Variants in MED1 observed in about 807,000 individuals in gnomAD.
The protein encoded by MED1 is mediator complex subunit 1, also known as mediator of RNA polymerase II transcription subunit 1.
MED1 carries 17 observed loss-of-function variants against 121.3 expected under a neutral mutation model. The ratio of observed to expected loss-of-function variants is 0.14; its 90% CI spans 0.10 to 0.21. The LOEUF is 0.21. MED1 is among the 10% of genes least tolerant of loss of function. MED1 has a pLI of 1.00. For synonymous variants in MED1, 661 were observed against 694.4 expected (o/e 0.95, Z 0.76); for missense variants, 1,558 against 1,919.4 (o/e 0.81, Z 3.52).
rs2048296997 is a variant in MED1, at chr17:39,405,619, C to T, written c.*1856G>A. 8.9e-7 allele frequency: 1 copy of T among 1,121,238 alleles called. No homozygotes were observed. 69.5% of individuals were successfully genotyped at this position (1,121,238 alleles called of 1,614,324 possible). A position where few individuals can be genotyped will look rare whatever the true frequency, so the allele number is the denominator to read the frequency against. On this transcript the variant is annotated 3_prime_UTR_variant, in exon 17 of 17. Transcript: ENST00000300651. Reference sequence around the variant, plus strand: ...CACCTGCCCATATCCTCCTTAGTGTCACCCAAGACATTTGACTCTGATGTG... The same window carrying T: ...CACCTGCCCATATCCTCCTTAGTGTTACCCAAGACATTTGACTCTGATGTG...
intron 13 of MED1, among the ~76,000 whole-genome samples, chr17:39,420,791 ATTT>A (rs71147330): frequency 1.3e-4 from 14 of 109,918 alleles, no homozygotes; most frequent in Admixed American, 1.1e-4. Flanking sequence ...ACATGTGCCT[ATTT>A]TTTTTTTTTT....
At chr17:39,443,198 C>T (rs1401667774) in intron 3 of MED1, among the ~76,000 whole-genome samples, 2 of 151,480 alleles carry the variant, frequency 1.3e-5, no homozygotes, top group South Asian at 4.2e-4. Flanking sequence ...GACAGGGTTT[C>T]ACCATGTTGG....
At chr17:39,444,608 C>T (rs1020800477) in intron 2 of MED1, among the ~76,000 whole-genome samples, 3 of 151,986 alleles carry the variant, frequency 2.0e-5, no homozygotes, top group Non-Finnish European at 4.4e-5. Flanking sequence ...CAGTGGCTCA[C>T]GCCTGTAATC....
At chr17:39,435,130 T>C (rs2048606202) in intron 6 of MED1, among the ~76,000 whole-genome samples, 1 of 152,098 alleles carries the variant, frequency 6.6e-6, no homozygotes, top group South Asian at 2.1e-4. Flanking sequence ...ATCGCGCCAC[T>C]GCACTCCAGC....
Position 39,429,691 on chromosome 17 carries a change from GC to G in MED1, c.649+1423del, listed in dbSNP as rs1289815466. Among the ~76,000 whole-genome samples, 11 of 89,510 alleles carry G rather than the reference GC, an allele frequency of 1.2e-4. 1 individual carries two copies. 58.7% of individuals were successfully genotyped at this position (89,510 alleles called of 152,430 possible). A position where few individuals can be genotyped will look rare whatever the true frequency, so the allele number is the denominator to read the frequency against. ...AGCCTGGGAGACAGAGCAAGACTCT[GC>G]CTAAATGCCTAAAAAAAAAAAAAAA... On this transcript the variant is annotated intron_variant, in intron 9 of 16. Transcript: ENST00000300651.
chr17:39,408,237 C>G lies in MED1; in HGVS notation c.3984G>C (p.Gln1328His), dbSNP rs984712374. ...TGGAAGAATTTGTGCTCACCCCCAT[C>G]TGGCCGTCCAGTGGGTCTTCACCCC... ...GPGGEDPLDG[Q>H]MGVSTNSSSH... The change falls in exon 17 of 17, where the codon CAG (glutamine) becomes CAC (histidine). Residue 1328 changes from glutamine (Q) to histidine (H), a missense_variant. Coordinates refer to ENST00000300651, the MANE Select transcript of MED1 (RefSeq NM_004774.4). This position sits in a 1 kb window ranked among gnomAD's most constrained non-coding sequence, Gnocchi z 4.7. 1.2e-6 allele frequency: 2 copies of G among 1,614,136 alleles called. No individual in the cohort carries two copies. Among genetic ancestry groups the G allele is most frequent in the Admixed American group, 1.7e-5 (1 of 60,020 alleles).
chr17:39,408,100 G>A lies in MED1; in HGVS notation c.4121C>T (p.Ser1374Phe). The A allele has an allele frequency of 6.2e-6, 10 of 1,614,128 alleles. No homozygotes were observed. Among genetic ancestry groups the A allele is most frequent in the Non-Finnish European group, 8.5e-6 (10 of 1,180,036 alleles). The change falls in exon 17 of 17, where the codon TCT becomes TTT. Residue 1374 changes from serine (S) to phenylalanine (F), a missense_variant. Physicochemically the swap from Ser to Phe is radical, Grantham distance 155 (BLOSUM62 -2). Around this residue, in one of 5 missense-constraint regions of MED1, gnomAD observed 264 missense variants for 326.1 expected, o/e 0.81. Transcript: ENST00000300651. The surrounding 1 kb of genome is among the most constrained non-coding windows in gnomAD (Gnocchi z 4.7). ...TTTTGACTCTGAGGTCTTCTTAGAA[G>A]AATCCACTGAACTCCCGGAGGTGGA... The part of the protein sequence containing the change: ...KVSTSGSSVD[S>F]SKKTSESKNV...
In MED1 at chr17:39,440,646, C is replaced by T. The variant is rs2048666371; in HGVS notation, c.243G>A (p.Leu81=). Reference sequence around the variant, plus strand: ...ACCCATTCTGTCTTGCTATGGACTCCAAACGATCAGTCATTGCTGGTAAAG... The same window carrying T: ...ACCCATTCTGTCTTGCTATGGACTCTAAACGATCAGTCATTGCTGGTAAAG... ...VTSLPAMTDR[L]ESIARQNGLG... is the part of the protein sequence containing the mutation. Residue 81 remains leucine, a synonymous_variant, in exon 4 of 17, where the codon TTG becomes TTA. Transcript: ENST00000300651. The surrounding 1 kb of genome is among the most constrained non-coding windows in gnomAD (Gnocchi z 4.1). 2 of 1,613,532 alleles carry T rather than the reference C, an allele frequency of 1.2e-6. No homozygotes were observed. The highest frequency in any genetic ancestry group is 1.7e-5 in the Admixed American group (1 of 59,930).
Position 39,408,044 on chromosome 17 carries a change from T to C in MED1, c.4177A>G (p.Ile1393Val). The C allele has an allele frequency of 1.2e-6, 2 of 1,614,252 alleles. No individual in the cohort carries two copies. The highest frequency in any genetic ancestry group is 1.7e-6 in the Non-Finnish European group (2 of 1,180,052). Residue 1393 changes from isoleucine to valine, a missense_variant, in exon 17 of 17, where the codon ATC (isoleucine) becomes GTC (valine). Physicochemically the swap from Ile to Val is conservative, Grantham distance 29. This residue lies in a region of MED1 where 264 missense variants were observed against 326.1 expected (regional missense o/e 0.81). Coordinates refer to ENST00000300651, the MANE Select transcript of MED1 (RefSeq NM_004774.4). This position sits in a 1 kb window ranked among gnomAD's most constrained non-coding sequence, Gnocchi z 4.7. ...GAGCCTCCATCATGCTTACTGATGA[T>C]AATTTTTGCCACACCTGTGCTCCCC... ...NVGSTGVAKI[I>V]ISKHDGGSPS...
chr17:39,447,210 G>C (rs1272995289), intron 2 of MED1, among the ~76,000 whole-genome samples: 1 of 151,966 alleles, frequency 6.6e-6, no homozygotes, highest in Non-Finnish European at 1.5e-5. Flanking sequence ...GACCAACATG[G>C]AGAAACCCCG....
At position 39,407,058 on chromosome 17, in the gene MED1, G is replaced by C; in HGVS notation, c.*417C>G. On this transcript the variant is annotated 3_prime_UTR_variant, in exon 17 of 17. Coordinates refer to ENST00000300651, the MANE Select transcript of MED1 (RefSeq NM_004774.4). ...ATGCAAATGCATCAAGGAATGTATT[G>C]CTTTTTCATTTTCTGCCCAGCCCTT... The C allele has an allele frequency of 1.0e-6, 1 of 989,740 alleles. No homozygotes were observed. Among genetic ancestry groups the C allele is most frequent in the Non-Finnish European group, 1.2e-6 (1 of 832,634 alleles). The allele number at this position is 989,740 out of a possible 1,614,324, so 61.3% of individuals were successfully genotyped here. A position where few individuals can be genotyped will look rare whatever the true frequency, so the allele number is the denominator to read the frequency against.
chr17:39,434,112 C>T (rs1400030825), intron 7 of MED1, 137 bp downstream of exon 7: 2 of 584,334 alleles, frequency 3.4e-6, no homozygotes, highest in African/African-American at 2.0e-5. Context: ...ATGTTGGAAG[C>T]TGAGCTACAG....
intron 6 of MED1, among the ~76,000 whole-genome samples, chr17:39,435,757 G>A (rs1300154276): frequency 4.6e-5 from 7 of 151,878 alleles, no homozygotes; most frequent in Admixed American, 2.6e-4. Context: ...GTCCGATGGC[G>A]ATGGCACGAT....
chr17:39,420,363 C>T (rs1290936394), intron 13 of MED1, among the ~76,000 whole-genome samples: 1 of 151,788 alleles, frequency 6.6e-6, no homozygotes, highest in African/African-American at 2.4e-5. Context: ...CCACGCCCGG[C>T]TAATTTTTTT....
chr17:39,409,583 C>G lies in MED1; in HGVS notation c.2638G>C (p.Glu880Gln), dbSNP rs746369674. 3 of 1,614,144 alleles carry G rather than the reference C, an allele frequency of 1.9e-6. No homozygotes were observed. The highest frequency in any genetic ancestry group is 2.5e-6 in the Non-Finnish European group (3 of 1,180,030). Residue 880 changes from glutamate (E) to glutamine (Q), a missense_variant, in exon 17 of 17, where the codon GAA becomes CAA. Glu to Gln is a conservative substitution (Grantham distance 29). Transcript: ENST00000300651. Reference sequence around the variant, plus strand: ...TGGCTGCTTTCATCAAAATATTCTTCTCCAAAACCACTTTGGCTCTGGCTG... The same window carrying G: ...TGGCTGCTTTCATCAAAATATTCTTGTCCAAAACCACTTTGGCTCTGGCTG... ...LNSQSQSGFG[E>Q]EYFDESSQSG...
At chr17:39,444,075 G>A (rs574555214) in intron 2 of MED1, among the ~76,000 whole-genome samples, 1 of 152,280 alleles carries the variant, frequency 6.6e-6, no homozygotes, top group Admixed American at 6.5e-5. Flanking sequence ...TGCCGCCTGT[G>A]GAAGTGACCA....
rs1165047519 is a variant in MED1 at position 39,409,007 on chromosome 17, C to T, written c.3214G>A (p.Val1072Met). The change falls in exon 17 of 17, where the codon GTG (valine) becomes ATG (methionine). Residue 1072 changes from valine to methionine, a missense_variant. Physicochemically the swap from Val to Met is conservative, Grantham distance 21. Coordinates refer to ENST00000300651, the MANE Select transcript of MED1 (RefSeq NM_004774.4). Reference protein sequence around the residue: ...KITIQIPKGTVMVGKPSSHSQ... With the variant: ...KITIQIPKGTMMVGKPSSHSQ... Reference sequence around the variant, plus strand: ...TGAGAGGAAGGCTTGCCCACCATCACTGTTCCCTTAGGAATCTGAATAGTG... The same window carrying T: ...TGAGAGGAAGGCTTGCCCACCATCATTGTTCCCTTAGGAATCTGAATAGTG... 3 of 1,614,204 alleles carry T rather than the reference C, an allele frequency of 1.9e-6. No individual in the cohort carries two copies. Among genetic ancestry groups the T allele is most frequent in the Non-Finnish European group, 1.7e-6 (2 of 1,180,042 alleles).
chr17:39,449,342 A>G (rs917604523), intron 1 of MED1, among the ~76,000 whole-genome samples: 1 of 151,470 alleles, frequency 6.6e-6, no homozygotes, highest in Non-Finnish European at 1.5e-5. Flanking sequence ...CACCATGCCT[A>G]GCTAATTTTT....
intron 14 of MED1, among the ~76,000 whole-genome samples, chr17:39,415,857 G>T (rs908377650): frequency 2.7e-5 from 4 of 149,336 alleles, no homozygotes; most frequent in Admixed American, 6.7e-5. Flanking sequence ...GGGTGTGGTG[G>T]CGCACACCTG....
Sources: gnomAD v4.1 joint callset for allele counts (sites outside exome capture counted in the v4.1 genomes callset) on GRCh38, gnomAD v4.1.1 for gene constraint, gnomAD v4.1.1 regional missense constraint, Gnocchi (gnomAD v3.1) non-coding constraint, MANE v1.5 for transcripts, NCBI Gene and HGNC (gene_info 2026-07-23, HGNC 2026-07-21) for gene names.